ATP1B1: variants seen among roughly 807,000 people sequenced by gnomAD.
ATP1B1 encodes ATPase Na+/K+ transporting subunit beta 1, also known as sodium/potassium-transporting ATPase subunit beta-1.
A neutral mutation model predicts 39.6 loss-of-function variants in ATP1B1; 3 were observed. That is an observed-to-expected ratio of 0.08 (90% confidence interval 0.03 to 0.20). The LOEUF is 0.20. Among genes scored for constraint, ATP1B1 ranks in the 10% least tolerant of loss-of-function variants. ATP1B1 has a pLI of 1.00. For synonymous variants in ATP1B1, 139 were observed against 135.0 expected (o/e 1.03, Z -0.20); for missense variants, 216 against 371.1 (o/e 0.58, Z 3.43).
Position 169,111,493 on chromosome 1 carries a change from C to A in ATP1B1, c.221C>A (p.Pro74Gln). 6.2e-7 allele frequency: 1 copy of A among 1,613,390 alleles called. No individual in the cohort carries two copies. The highest frequency in any genetic ancestry group is 1.1e-5 in the South Asian group (1 of 90,938). ...FKPTYQDRVA[P>Q]PGLTQIPQIQ... Reference sequence around the variant, plus strand: ...CCCACATATCAGGACCGAGTGGCCCCGCCAGGTAAAATCCACATGAATAGC... The same window carrying A: ...CCCACATATCAGGACCGAGTGGCCCAGCCAGGTAAAATCCACATGAATAGC... The change falls in exon 2 of 6, where the codon CCG becomes CAG. Residue 74 changes from proline (P) to glutamine (Q), a missense_variant. Physicochemically the swap from Pro to Gln is moderately conservative, Grantham distance 76. Transcript: ENST00000367815.
At chr1:169,109,124 C>T (rs986344206) in intron 1 of ATP1B1, among the ~76,000 whole-genome samples, 1 of 152,198 alleles carries the variant, frequency 6.6e-6, no homozygotes, top group Non-Finnish European at 1.5e-5. Context: ...TCACTTTGTG[C>T]CTTCTGCCTT....
rs115293334 is a variant in ATP1B1, at chr1:169,121,242, C to T, written c.227-3642C>T. Reference sequence around the variant, plus strand: ...GATTACAGGCATTAGCCACCATTCCCGGCCATATTCCTAGATGATTAACAA... The same window carrying T: ...GATTACAGGCATTAGCCACCATTCCTGGCCATATTCCTAGATGATTAACAA... On this transcript the variant is annotated intron_variant, in intron 2 of 5. Coordinates refer to ENST00000367815, the MANE Select transcript of ATP1B1 (RefSeq NM_001677.4). Among the ~76,000 whole-genome samples, 926 of 152,232 alleles carry T rather than the reference C, an allele frequency of 6.1e-3. 12 individuals are homozygous for T. Among genetic ancestry groups the T allele is most frequent in the African/African-American group, 0.021 (865 of 41,528 alleles).
At position 169,132,050 on chromosome 1, in the gene ATP1B1, G is replaced by GT; in HGVS notation, c.*495_*496insT. ...TTTTTTTTTTTTTTTTTGTTTTTTG[G>GT]CTCTTTCAAAGGTAATGGCCCATCG... On this transcript the variant is annotated 3_prime_UTR_variant, in exon 6 of 6. Transcript: ENST00000367815. 7.4e-6 allele frequency: 1 copy of GT among 135,808 alleles called. No individual in the cohort carries two copies. Among genetic ancestry groups the GT allele is most frequent in the Non-Finnish European group, 1.3e-5 (1 of 74,766 alleles). 8.4% of individuals were successfully genotyped at this position (135,808 alleles called of 1,614,324 possible).
intron 1 of ATP1B1, among the ~76,000 whole-genome samples, chr1:169,108,688 G>A (rs1034301189): frequency 6.6e-6 from 1 of 152,174 alleles, no homozygotes; most frequent in Non-Finnish European, 1.5e-5. Flanking sequence ...TTAATGGGCA[G>A]CACCTCCATG....
At position 169,106,940 on chromosome 1, in the gene ATP1B1, C is replaced by T. The variant is rs766416126; in HGVS notation, c.97+14C>T. Reference sequence around the variant, plus strand: ...GTGGCAGTTGGTGTAAGTACGGGGTCCGCAGCTCCCGGCCGCCGCGTCTGA... The same window carrying T: ...GTGGCAGTTGGTGTAAGTACGGGGTTCGCAGCTCCCGGCCGCCGCGTCTGA... On this transcript the variant is annotated intron_variant, in intron 1 of 5. Transcript: ENST00000367815. 2.6e-6 allele frequency: 4 copies of T among 1,567,648 alleles called. No individual in the cohort carries two copies. The Admixed American group carries it at 5.4e-5, about 21-fold the overall frequency.
At position 169,131,236 on chromosome 1, in the gene ATP1B1, A is replaced by G; in HGVS notation, c.649-56A>G. ...TGTAGATTGAGTCTTGTTTTTGAGT[A>G]CACATAGTGATGCATGATGTGAGCC... On this transcript the variant is annotated intron_variant, in intron 5 of 5. Coordinates refer to ENST00000367815, the MANE Select transcript of ATP1B1 (RefSeq NM_001677.4). The surrounding 1 kb of genome is among the most constrained non-coding windows in gnomAD (Gnocchi z 4.4). The G allele has an allele frequency of 6.3e-7, 1 of 1,580,224 alleles. No homozygotes were observed. Among genetic ancestry groups the G allele is most frequent in the South Asian group, 1.2e-5 (1 of 83,862 alleles).
rs544747000 is a variant in ATP1B1 at position 169,130,262 on chromosome 1, T to G, written c.648+172T>G. 7.9e-5 allele frequency among the ~76,000 whole-genome samples: 12 copies of G among 152,310 alleles called. 1 individual carries two copies. The South Asian group carries it at 2.5e-3, about 32-fold the overall frequency. ...TTGTAGCTATACTAGGTAAAACTTT[T>G]TAAAAGAACAGAAAGATGTAATCAG... On this transcript the variant is annotated intron_variant, in intron 5 of 5. Coordinates refer to ENST00000367815, the MANE Select transcript of ATP1B1 (RefSeq NM_001677.4).
intron 2 of ATP1B1, among the ~76,000 whole-genome samples, chr1:169,115,075 C>T (rs928594973): frequency 6.7e-6 from 1 of 149,902 alleles, no homozygotes; most frequent in Middle Eastern, 3.2e-3. Flanking sequence ...GTCCCAGCTA[C>T]TCGGAAGGCT....
intron 1 of ATP1B1, among the ~76,000 whole-genome samples, chr1:169,110,405 C>T (rs1366502254): frequency 2.6e-5 from 4 of 152,154 alleles, no homozygotes; most frequent in Non-Finnish European, 4.4e-5. Context: ...GATAACCTTA[C>T]AGTTCACTTG....
In ATP1B1 at chr1:169,106,893, A is replaced by G. The variant is rs1657603892; in HGVS notation, c.64A>G (p.Lys22Glu). ...WKKFIWNSEK[K>E]EFLGRTGGSW... is the part of the protein sequence containing the mutation. ...GAAATTCATCTGGAACTCAGAGAAG[A>G]AGGAGTTTCTGGGCAGGACCGGTGG... The change falls in exon 1 of 6, where the codon AAG becomes GAG. Residue 22 changes from lysine to glutamate, a missense_variant. Lys to Glu is a moderately conservative substitution (Grantham distance 56). Transcript: ENST00000367815. 1.3e-6 allele frequency: 2 copies of G among 1,584,614 alleles called. No individual in the cohort carries two copies. Among genetic ancestry groups the G allele is most frequent in the Non-Finnish European group, 1.7e-6 (2 of 1,167,944 alleles).
intron 2 of ATP1B1, among the ~76,000 whole-genome samples, chr1:169,112,425 C>T (rs369243972): frequency 2.0e-5 from 3 of 152,198 alleles, no homozygotes; most frequent in African/African-American, 4.8e-5. Flanking sequence ...GCATAACTTC[C>T]GGGCTCTCAC....
chr1:169,122,734 C>T (rs1422254901), intron 2 of ATP1B1, among the ~76,000 whole-genome samples: 1 of 142,102 alleles, frequency 7.0e-6, no homozygotes, highest in Non-Finnish European at 1.5e-5. Flanking sequence ...CTACATCATC[C>T]TTTTCAGGAT....
In ATP1B1 at chr1:169,132,032, T is replaced by G. The variant is rs1482769459; in HGVS notation, c.*477T>G. The G allele has an allele frequency of 5.4e-5, 12 of 224,142 alleles. No homozygotes were observed. The highest frequency in any genetic ancestry group is 1.7e-4 in the South Asian group (4 of 23,436). The allele number at this position is 224,142 out of a possible 1,614,324, so 13.9% of individuals were successfully genotyped here. On this transcript the variant is annotated 3_prime_UTR_variant, in exon 6 of 6. Coordinates refer to ENST00000367815, the MANE Select transcript of ATP1B1 (RefSeq NM_001677.4). ...ACTGGCATGGTAATTTTTTTTTTTT[T>G]TTTTTTTTTGTTTTTTGGCTCTTTC...
At chr1:169,109,515 A>G (rs1657682620) in intron 1 of ATP1B1, among the ~76,000 whole-genome samples, 1 of 152,194 alleles carries the variant, frequency 6.6e-6, no homozygotes, top group African/African-American at 2.4e-5. Context: ...ATCTCAGAGC[A>G]AAAAGGGAAA....
intron 1 of ATP1B1, among the ~76,000 whole-genome samples, chr1:169,109,144 T>C (rs1657674156): frequency 6.6e-6 from 1 of 152,240 alleles, no homozygotes; most frequent in Admixed American, 6.5e-5. Flanking sequence ...TTTTATTAGG[T>C]TAATACAGAC....
At position 169,106,945 on chromosome 1, in the gene ATP1B1, G is replaced by C. The variant is rs1483601835; in HGVS notation, c.97+19G>C. 2 of 1,562,798 alleles carry C rather than the reference G, an allele frequency of 1.3e-6. No homozygotes were observed. Among genetic ancestry groups the C allele is most frequent in the Admixed American group, 1.8e-5 (1 of 54,632 alleles). ...AGTTGGTGTAAGTACGGGGTCCGCA[G>C]CTCCCGGCCGCCGCGTCTGATCTTT... On this transcript the variant is annotated intron_variant, in intron 1 of 5. Coordinates refer to ENST00000367815, the MANE Select transcript of ATP1B1 (RefSeq NM_001677.4).
chr1:169,127,176 G>C (rs375685852), intron 3 of ATP1B1, 48 bp from the exon 4 acceptor site: 49 of 1,524,900 alleles, frequency 3.2e-5, no homozygotes, highest in Non-Finnish European at 1.4e-5. Flanking sequence ...TCTTAGAACT[G>C]CTAAGGGAAT....
At chr1:169,129,283 T>C (rs1336688364) in intron 4 of ATP1B1, among the ~76,000 whole-genome samples, 1 of 152,188 alleles carries the variant, frequency 6.6e-6, no homozygotes, top group Non-Finnish European at 1.5e-5. Context: ...AGTGACTGTC[T>C]TCCAGCGAAG....
At chr1:169,126,316 T>C (rs1024050515) in intron 3 of ATP1B1, among the ~76,000 whole-genome samples, 1 of 148,020 alleles carries the variant, frequency 6.8e-6, no homozygotes, top group African/African-American at 2.5e-5. Context: ...AATAGTTCAT[T>C]TGTGAATTTA....
Sources: allele counts gnomAD v4.1 joint callset (sites outside exome capture counted in the v4.1 genomes callset), GRCh38; gene constraint gnomAD v4.1.1; non-coding constraint Gnocchi (gnomAD v3.1); transcripts MANE v1.5; gene names NCBI Gene and HGNC (gene_info 2026-07-23, HGNC 2026-07-21).